Variants in ABCB11 observed in about 807,000 individuals in gnomAD.
ABCB11 encodes ATP binding cassette subfamily B member 11, also known as bile salt export pump.
ABCB11 carries 95 observed loss-of-function variants against 148.0 expected under a neutral mutation model. That is an observed-to-expected ratio of 0.64 (90% CI 0.54 to 0.76). The LOEUF is 0.76. Ranked by LOEUF, ABCB11 falls within the 30% of genes least tolerant of loss-of-function variation. ABCB11 has a pLI of 0.00. For missense variants in ABCB11, 1,523 were observed against 1,617.8 expected (o/e 0.94, Z 1.01); for synonymous variants, 591 against 555.4 (o/e 1.06, Z -0.90).
chr2:169,002,239 A>G (rs1007690982), intron 5 of ABCB11, among the ~76,000 whole-genome samples: 1 of 152,282 alleles, frequency 6.6e-6, no homozygotes, highest in Middle Eastern at 3.4e-3. Context: ...ATGCACCTAA[A>G]AAAAGAGCCT....
chr2:169,018,408 A>G (rs1175337935), intron 1 of ABCB11, among the ~76,000 whole-genome samples: 1 of 152,180 alleles, frequency 6.6e-6, no homozygotes, highest in Non-Finnish European at 1.5e-5. Context: ...GGAAAGATAA[A>G]GCAAAACCAT....
chr2:168,949,553 T>C (rs548311364), intron 19 of ABCB11, among the ~76,000 whole-genome samples: 61 of 151,856 alleles, frequency 4.0e-4, no homozygotes, highest in African/African-American at 1.4e-3. Context: ...TATGGCTGAG[T>C]AGTATTCCAT....
chr2:169,000,105 T>C (rs1273584772), intron 5 of ABCB11, among the ~76,000 whole-genome samples: 1 of 152,158 alleles, frequency 6.6e-6, no homozygotes, highest in Non-Finnish European at 1.5e-5. Context: ...TCATTTGCCA[T>C]CTTTTGTCCT....
intron 1 of ABCB11, among the ~76,000 whole-genome samples, chr2:169,019,645 A>C (rs934014096): frequency 6.6e-6 from 1 of 152,198 alleles, no homozygotes; most frequent in Non-Finnish European, 1.5e-5. Context: ...GTGGACCTCC[A>C]CAGTTGCAAC....
intron 9 of ABCB11, among the ~76,000 whole-genome samples, chr2:168,988,126 T>A (rs1185062606): frequency 2.0e-5 from 3 of 152,138 alleles, no homozygotes; most frequent in African/African-American, 7.2e-5. Context: ...TAAATGTGAA[T>A]AAGGAAGGGT....
At chr2:168,998,471 T>C (rs1360126270) in intron 5 of ABCB11, among the ~76,000 whole-genome samples, 1 of 152,088 alleles carries the variant, frequency 6.6e-6, no homozygotes, top group Non-Finnish European at 1.5e-5. Flanking sequence ...CACAACGACA[T>C]GATAAATGTC....
chr2:168,994,138 A>T (rs1186656733), intron 7 of ABCB11, among the ~76,000 whole-genome samples: 1 of 152,052 alleles, frequency 6.6e-6, no homozygotes, highest in Non-Finnish European at 1.5e-5. Flanking sequence ...AGGCTTTTGG[A>T]AACCATCTTA....
At chr2:168,960,665 C>T (rs996802213) in intron 18 of ABCB11, among the ~76,000 whole-genome samples, 2 of 151,444 alleles carry the variant, frequency 1.3e-5, no homozygotes, top group Non-Finnish European at 3.0e-5. Flanking sequence ...TTGACCCCCC[C>T]GAAAAAATGC....
chr2:168,930,807 C>A lies in ABCB11; in HGVS notation c.3269G>T (p.Arg1090Leu), dbSNP rs1462086662. The A allele has an allele frequency of 6.2e-7, 1 of 1,612,580 alleles. No homozygotes were observed. Among genetic ancestry groups the A allele is most frequent in the Middle Eastern group, 1.7e-4 (1 of 6,058 alleles). The change falls in exon 25 of 28, where the codon CGA becomes CTA. Residue 1090 changes from arginine to leucine, a missense_variant. By Grantham distance (102) the Arg-to-Leu change is moderately radical. Coordinates refer to ENST00000650372, the MANE Select transcript of ABCB11 (RefSeq NM_003742.4). ...FVDCKFTYPS[R>L]PDSQVLNGLS... ...ACCATTCAGAACTTGCGAGTCAGGT[C>A]GAGAAGGATATGTAAATTTACAATC... is the stretch of plus-strand genomic sequence containing the variant.
intron 12 of ABCB11, among the ~76,000 whole-genome samples, chr2:168,974,756 C>T (rs898129007): frequency 1.3e-5 from 2 of 151,734 alleles, no homozygotes; most frequent in African/African-American, 2.4e-5. Context: ...AATTACTCTC[C>T]ACCATTGTAA....
intron 10 of ABCB11, among the ~76,000 whole-genome samples, chr2:168,985,098 C>T (rs1694267558): frequency 1.3e-5 from 2 of 151,962 alleles, no homozygotes; most frequent in South Asian, 4.1e-4. Flanking sequence ...CATGAATAGA[C>T]AATTCTCAGA....
At chr2:169,030,036 G>A (rs925143951) in intron 1 of ABCB11, among the ~76,000 whole-genome samples, 2 of 152,054 alleles carry the variant, frequency 1.3e-5, no homozygotes, top group Non-Finnish European at 1.5e-5. Context: ...CACCGCGCCC[G>A]GCCAGTTCTT....
At position 168,968,296 on chromosome 2, in the gene ABCB11, T is replaced by C. The variant is rs1221460325; in HGVS notation, c.2075+131A>G. ...CAACCAAGGATCACTTGCATGTTCA[T>C]ATTTGACAAGACCTGGCAGTCTACT... On this transcript the variant is annotated intron_variant, in intron 17 of 27. Coordinates refer to ENST00000650372, the MANE Select transcript of ABCB11 (RefSeq NM_003742.4). 1.1e-5 allele frequency: 9 copies of C among 789,048 alleles called. No individual in the cohort carries two copies. In the East Asian group the frequency reaches 2.2e-4, roughly 19 times the overall value. 48.9% of individuals were successfully genotyped at this position (789,048 alleles called of 1,614,324 possible). A position where few individuals can be genotyped will look rare whatever the true frequency, so the allele number is the denominator to read the frequency against.
chr2:169,021,632 T>A (rs1247819354), intron 1 of ABCB11, among the ~76,000 whole-genome samples: 2 of 152,112 alleles, frequency 1.3e-5, no homozygotes, highest in Admixed American at 6.5e-5. Flanking sequence ...TGTAATTTAC[T>A]ACATAAAATT....
At chr2:169,014,169 C>T in intron 4 of ABCB11, 134 bp downstream of exon 4, 4 of 836,052 alleles carry the variant, frequency 4.8e-6, no homozygotes, top group South Asian at 4.5e-5. Flanking sequence ...ATCACATAGG[C>T]AAAGCCTATG....
chr2:168,916,272 C>T (rs1015797518), downstream of ABCB11, among the ~76,000 whole-genome samples: 6 of 152,208 alleles, frequency 3.9e-5, no homozygotes, highest in African/African-American at 1.4e-4. Context: ...CTGCTATCTC[C>T]AGCTCTCCTG....
chr2:168,925,915 C>T (rs1224489603), intron 26 of ABCB11, among the ~76,000 whole-genome samples: 1 of 152,194 alleles, frequency 6.6e-6, no homozygotes, highest in Non-Finnish European at 1.5e-5. Flanking sequence ...AGGAGACACA[C>T]AATCTTTGCT....
chr2:168,944,794 G>C, intron 20 of ABCB11, 28 bp from the exon 21 acceptor site: 1 of 1,610,252 alleles, frequency 6.2e-7, no homozygotes, highest in Non-Finnish European at 8.5e-7. Flanking sequence ...AGATGTTAGA[G>C]AAATTTTAAT....
chr2:169,027,013 T>C (rs1197025419), intron 1 of ABCB11, among the ~76,000 whole-genome samples: 4 of 152,206 alleles, frequency 2.6e-5, no homozygotes, highest in Non-Finnish European at 5.9e-5. Context: ...GTTTCATACA[T>C]TGAAGGAGGC....
Sources: gnomAD v4.1 joint callset for allele counts (sites outside exome capture counted in the v4.1 genomes callset) on GRCh38, gnomAD v4.1.1 for gene constraint, MANE v1.5 for transcripts, NCBI Gene and HGNC (gene_info 2026-07-23, HGNC 2026-07-21) for gene names.